Variants in ANAPC10 observed in about 807,000 individuals in gnomAD.
ANAPC10 encodes anaphase-promoting complex subunit 10.
A neutral mutation model predicts 22.0 loss-of-function variants in ANAPC10; 12 were observed. The observed-to-expected ratio is 0.55, with a 90% CI of 0.35 to 0.88. ANAPC10 has a LOEUF of 0.88. Ranked by LOEUF, ANAPC10 falls within the 40% of genes least tolerant of loss-of-function variation. The pLI is 0.01. For synonymous variants in ANAPC10, 65 were observed against 69.5 expected, an observed-to-expected ratio of 0.94 and a Z score of 0.32; for missense variants, 188 against 220.9, an observed-to-expected ratio of 0.85 and a Z score of 0.94.
chr4:145,035,680 T>C (rs1205803737), intron 4 of ANAPC10, among the ~76,000 whole-genome samples: 10 of 152,232 alleles, frequency 6.6e-5, no homozygotes, highest in Non-Finnish European at 1.0e-4. Context: ...CCTGTGCTCA[T>C]AGGTTCCAGA....
At chr4:145,054,528 G>C (rs1236648444) in intron 4 of ANAPC10, among the ~76,000 whole-genome samples, 1 of 148,664 alleles carries the variant, frequency 6.7e-6, no homozygotes. Flanking sequence ...CTGCACTCCA[G>C]CCTGGGCAAT....
chr4:145,009,910 T>C (rs1560817537), intron 4 of ANAPC10, among the ~76,000 whole-genome samples: 1 of 152,120 alleles, frequency 6.6e-6, no homozygotes, highest in Non-Finnish European at 1.5e-5. Flanking sequence ...AGAAAATTTT[T>C]GCAATCTACC....
chr4:145,008,533 T>C (rs1481469465), intron 4 of ANAPC10, among the ~76,000 whole-genome samples: 1 of 152,164 alleles, frequency 6.6e-6, no homozygotes, highest in African/African-American at 2.4e-5. Flanking sequence ...TGGTTCAACA[T>C]ATGCAAATCA....
intron 4 of ANAPC10, chr4:145,035,511 A>C (rs1042503191): frequency 2.0e-5 from 3 of 152,218 alleles, no homozygotes; most frequent in Non-Finnish European, 2.9e-5. Flanking sequence ...CCTACAACTG[A>C]CCCTCATTCC....
chr4:145,033,611 A>C (rs1480949836), intron 4 of ANAPC10, among the ~76,000 whole-genome samples: 1 of 152,190 alleles, frequency 6.6e-6, no homozygotes, highest in Non-Finnish European at 1.5e-5. Flanking sequence ...CCCTGTGATT[A>C]AGGTCAATGG....
intron 4 of ANAPC10, among the ~76,000 whole-genome samples, chr4:145,031,746 T>G (rs1360507107): frequency 6.6e-6 from 1 of 152,204 alleles, no homozygotes; most frequent in East Asian, 1.9e-4. Flanking sequence ...TGAATCACAG[T>G]GGAGGCCTCT....
intron 3 of ANAPC10, among the ~76,000 whole-genome samples, chr4:145,068,193 T>C (rs953811382): frequency 6.6e-6 from 1 of 152,196 alleles, no homozygotes; most frequent in Non-Finnish European, 1.5e-5. Flanking sequence ...AAAACACCAT[T>C]ATCAAAAGCT....
intron 4 of ANAPC10, chr4:145,053,579 ATAATT>A (rs1741448325): frequency 2.4e-6 from 1 of 424,994 alleles, no homozygotes. Flanking sequence ...ACCATCAACT[ATAATT>A]TCAAATACAA....
chr4:145,079,567 C>T (rs536736936), intron 3 of ANAPC10, among the ~76,000 whole-genome samples: 1 of 152,294 alleles, frequency 6.6e-6, no homozygotes, highest in South Asian at 2.1e-4. Flanking sequence ...CACCATAAGA[C>T]AAATGCACAC....
At chr4:145,069,681 C>CT (rs1744206937) in intron 3 of ANAPC10, among the ~76,000 whole-genome samples, 1 of 152,170 alleles carries the variant, frequency 6.6e-6, no homozygotes, top group Non-Finnish European at 1.5e-5. Flanking sequence ...CCTCAAGACT[C>CT]TTTCAGAGGA....
chr4:145,077,186 A>C (rs184078735), intron 3 of ANAPC10, among the ~76,000 whole-genome samples: 1 of 152,140 alleles, frequency 6.6e-6, no homozygotes, highest in African/African-American at 2.4e-5. Context: ...GCGACAGAGC[A>C]AGACTCTGTC....
chr4:145,029,695 C>T (rs1737261575), intron 4 of ANAPC10, among the ~76,000 whole-genome samples: 1 of 152,032 alleles, frequency 6.6e-6, no homozygotes, highest in Non-Finnish European at 1.5e-5. Flanking sequence ...TAAAAAATGG[C>T]CCACTGTGAG....
intron 4 of ANAPC10, among the ~76,000 whole-genome samples, chr4:145,026,957 GTATATATATATATATATA>G (rs1578954678): frequency 5.5e-5 from 1 of 18,342 alleles, no homozygotes; most frequent in African/African-American, 2.9e-4. Context: ...GTGTGTGTGT[GTATATATATATATATATA>G]TATATATATA....
chr4:145,052,127 G>A lies in ANAPC10; in HGVS notation c.327+12445C>T, dbSNP rs538621182. 3.2e-4 allele frequency among the ~76,000 whole-genome samples: 48 copies of A among 152,284 alleles called. No individual in the cohort carries two copies. The South Asian group carries it at 8.3e-3, about 26-fold the overall frequency. On this transcript the variant is annotated intron_variant, in intron 4 of 4. Coordinates refer to ENST00000507656, the MANE Select transcript of ANAPC10 (RefSeq NM_001256706.2). ...CTGGGAGTAAGGGGGACAGTTGGGAGATGTTGGTCGAAGGACATAAAATTT... is the reference window on the plus strand; with the variant it reads ...CTGGGAGTAAGGGGGACAGTTGGGAAATGTTGGTCGAAGGACATAAAATTT...
intron 4 of ANAPC10, among the ~76,000 whole-genome samples, chr4:145,038,418 C>G (rs1366918394): frequency 6.6e-6 from 1 of 152,142 alleles, no homozygotes; most frequent in Non-Finnish European, 1.5e-5. Context: ...GAGACTGAGG[C>G]AGGAGAACTG....
intron 2 of ANAPC10, among the ~76,000 whole-genome samples, chr4:145,091,730 G>A (rs936303680): frequency 1.3e-5 from 2 of 152,150 alleles, no homozygotes; most frequent in African/African-American, 2.4e-5. Context: ...GGATTGCTGA[G>A]TCAAATGGTA....
chr4:145,019,275 T>C (rs1735645881), intron 4 of ANAPC10, among the ~76,000 whole-genome samples: 1 of 152,126 alleles, frequency 6.6e-6, no homozygotes, highest in Non-Finnish European at 1.5e-5. Context: ...GGAATAAAAC[T>C]GGAAATCAAT....
intron 4 of ANAPC10, among the ~76,000 whole-genome samples, chr4:145,011,242 C>A (rs1442012959): frequency 3.3e-5 from 5 of 151,782 alleles, no homozygotes; most frequent in Admixed American, 3.3e-4. Flanking sequence ...GAGGCTGAGG[C>A]AGGAGAATTG....
At chr4:145,041,130 T>C (rs1739450625) in intron 4 of ANAPC10, among the ~76,000 whole-genome samples, 2 of 152,162 alleles carry the variant, frequency 1.3e-5, no homozygotes, top group African/African-American at 4.8e-5. Context: ...AGATTTTACT[T>C]ATAGAAGTAT....
Sources: gnomAD v4.1 joint callset for allele counts (sites outside exome capture counted in the v4.1 genomes callset) on GRCh38, gnomAD v4.1.1 for gene constraint, MANE v1.5 for transcripts, NCBI Gene and HGNC (gene_info 2026-07-23, HGNC 2026-07-21) for gene names.